Variants in ST3GAL1 observed in about 807,000 individuals in gnomAD.
ST3GAL1 encodes the protein ST3 beta-galactoside alpha-2,3-sialyltransferase 1.
ST3GAL1 carries 16 observed loss-of-function variants against 34.1 expected under a neutral mutation model. That is an observed-to-expected ratio of 0.47 (90% CI 0.32 to 0.71). ST3GAL1 has a LOEUF of 0.71. Among genes scored for constraint, ST3GAL1 ranks in the 30% least tolerant of loss-of-function variants. The pLI, the probability that ST3GAL1 is intolerant of heterozygous loss-of-function variation, is 0.04. For missense variants in ST3GAL1, 353 were observed against 447.4 expected (o/e 0.79, Z 1.90); for synonymous variants, 191 against 184.7 (o/e 1.03, Z -0.28).
intron 1 of ST3GAL1, among the ~76,000 whole-genome samples, chr8:133,564,517 A>AACAC (rs757570775): frequency 3.5e-5 from 2 of 56,910 alleles, no homozygotes; most frequent in Non-Finnish European, 6.8e-5. Context: ...TTAAAGAGAA[A>AACAC]ATACACACAC....
chr8:133,497,493 C>T (rs1417862897), intron 3 of ST3GAL1, among the ~76,000 whole-genome samples: 55 of 96,926 alleles, frequency 5.7e-4, no homozygotes, highest in African/African-American at 2.0e-3. Context: ...TTTTGTGAGA[C>T]GGAGTCTCGC....
intron 2 of ST3GAL1, among the ~76,000 whole-genome samples, chr8:133,531,432 T>C (rs1563729766): frequency 6.6e-6 from 1 of 152,096 alleles, no homozygotes; most frequent in African/African-American, 2.4e-5. Context: ...AATGTAACTC[T>C]TACAATAATC....
rs971412465 is a variant in ST3GAL1, at chr8:133,545,882, T to C, written c.-537A>G. On this transcript the variant is annotated 5_prime_UTR_variant, in exon 2 of 10. The change abolishes an upstream ATG in the 5' untranslated region. Transcript: ENST00000522652. The stretch of plus-strand genomic sequence containing the variant: ...TCTTGGGGGTGTTAATTTCCTCTCA[T>C]TGACATTTCCAGTTTAGGAAGATGA... The C allele has an allele frequency of 7.9e-5, 12 of 152,314 alleles. No individual in the cohort carries two copies. The highest frequency in any genetic ancestry group is 4.2e-4 in the South Asian group (2 of 4,818). 9.4% of individuals were successfully genotyped at this position (152,314 alleles called of 1,614,324 possible).
intron 3 of ST3GAL1, among the ~76,000 whole-genome samples, chr8:133,477,707 G>A (rs915066232): frequency 6.6e-6 from 1 of 151,992 alleles, no homozygotes; most frequent in Admixed American, 6.6e-5. Context: ...GGCTCTCACC[G>A]ACACCTTGGG....
chr8:133,487,353 C>A (rs201007076), intron 3 of ST3GAL1, among the ~76,000 whole-genome samples: 1 of 3,796 alleles, frequency 2.6e-4, no homozygotes, highest in Non-Finnish European at 1.8e-3. Flanking sequence ...GAATATTTAA[C>A]ATTAACATTA....
intron 5 of ST3GAL1, among the ~76,000 whole-genome samples, chr8:133,471,621 C>A (rs542368714): frequency 3.3e-5 from 5 of 152,294 alleles, no homozygotes; most frequent in Admixed American, 3.3e-4. Flanking sequence ...TGACTCCAGA[C>A]CATGTCCTTT....
At chr8:133,478,677 A>T (rs1487800113) in intron 3 of ST3GAL1, among the ~76,000 whole-genome samples, 1 of 152,076 alleles carries the variant, frequency 6.6e-6, no homozygotes, top group Non-Finnish European at 1.5e-5. Flanking sequence ...GCTCTTACTC[A>T]TTCTCTAGGG....
intron 2 of ST3GAL1, among the ~76,000 whole-genome samples, chr8:133,519,510 T>C (rs912677879): frequency 1.4e-4 from 21 of 152,170 alleles, no homozygotes; most frequent in African/African-American, 5.1e-4. Flanking sequence ...ACAAAGAATT[T>C]AAAATAGCAT....
chr8:133,557,568 G>A (rs1331134291), intron 1 of ST3GAL1, among the ~76,000 whole-genome samples: 1 of 152,146 alleles, frequency 6.6e-6, no homozygotes, highest in Admixed American at 6.5e-5. Context: ...GTAAAATAAA[G>A]AGGCCGTGGT....
At chr8:133,544,336 C>T (rs1818618466) in intron 2 of ST3GAL1, among the ~76,000 whole-genome samples, 1 of 152,204 alleles carries the variant, frequency 6.6e-6, no homozygotes. Context: ...GCTCCAGGTC[C>T]AAGGCTCTTC....
At chr8:133,540,910 T>TATATATAGAC (rs1818473600) in intron 2 of ST3GAL1, among the ~76,000 whole-genome samples, 1 of 31,190 alleles carries the variant, frequency 3.2e-5, no homozygotes, top group Non-Finnish European at 5.9e-5. Context: ...TATATAGACA[T>TATATATAGAC]ATATATAGAC....
chr8:133,541,070 C>CATATATATATAAACAT (rs377685012), intron 2 of ST3GAL1, among the ~76,000 whole-genome samples: 2 of 41,694 alleles, frequency 4.8e-5, no homozygotes, highest in Non-Finnish European at 8.9e-5. Flanking sequence ...TATATATAGA[C>CATATATATATAAACAT]ATATATATAG....
At chr8:133,465,701 A>G (rs1391459180) in intron 6 of ST3GAL1, 193 bp downstream of exon 6, 2 of 572,814 alleles carry the variant, frequency 3.5e-6, no homozygotes, top group Non-Finnish European at 6.0e-6. Flanking sequence ...CTTCTAGTCC[A>G]TTCCAATCCT....
intron 3 of ST3GAL1, among the ~76,000 whole-genome samples, chr8:133,483,881 G>T (rs954868998): frequency 4.6e-5 from 7 of 152,104 alleles, no homozygotes; most frequent in East Asian, 1.9e-4. Flanking sequence ...CCAGGAAAAG[G>T]TTCCTCAAAA....
At chr8:133,519,498 T>C (rs1213942473) in intron 2 of ST3GAL1, among the ~76,000 whole-genome samples, 1 of 152,158 alleles carries the variant, frequency 6.6e-6, no homozygotes, top group Non-Finnish European at 1.5e-5. Flanking sequence ...AAATTATGGC[T>C]CACAAAGAAT....
intron 2 of ST3GAL1, among the ~76,000 whole-genome samples, chr8:133,513,061 ACATGTCT>A (rs1312098735): frequency 6.6e-6 from 1 of 152,212 alleles, no homozygotes; most frequent in African/African-American, 2.4e-5. Flanking sequence ...GGTTGGCTGA[ACATGTCT>A]CTCAAGACAC....
intron 7 of ST3GAL1, among the ~76,000 whole-genome samples, chr8:133,464,170 A>G (rs1286556574): frequency 2.0e-5 from 3 of 152,202 alleles, no homozygotes; most frequent in African/African-American, 4.8e-5. Context: ...ACCCTAGGCA[A>G]GGTGCTTGGC....
intron 3 of ST3GAL1, among the ~76,000 whole-genome samples, chr8:133,481,026 G>A (rs1002342860): frequency 6.6e-6 from 1 of 152,124 alleles, no homozygotes; most frequent in African/African-American, 2.4e-5. Context: ...CACCACAGCC[G>A]TCTTAAAGCC....
At chr8:133,474,226 A>C (rs1248777222) in intron 5 of ST3GAL1, among the ~76,000 whole-genome samples, 1 of 152,164 alleles carries the variant, frequency 6.6e-6, no homozygotes, top group Non-Finnish European at 1.5e-5. Context: ...CCAGGCTCCA[A>C]GGGGAGTTGG....
Sources: gnomAD v4.1 joint callset for allele counts (sites outside exome capture counted in the v4.1 genomes callset) on GRCh38, gnomAD v4.1.1 for gene constraint, MANE v1.5 for transcripts, NCBI Gene and HGNC (gene_info 2026-07-23, HGNC 2026-07-21) for gene names.